The following ADAM23 variants were observed in gnomAD, a reference collection of about 807,000 sequenced individuals.
ADAM23 encodes disintegrin and metalloproteinase domain-containing protein 23.
In ADAM23, 33 loss-of-function variants were observed where a neutral mutation model predicts 120.1. That is an observed-to-expected ratio of 0.27 (90% CI 0.21 to 0.37). The LOEUF is 0.37. ADAM23 is among the 10% of genes least tolerant of loss of function. The probability of loss-of-function intolerance (pLI) is 1.00; values close to 1 mark genes in which losing one functional copy is unlikely to be tolerated. For synonymous variants in ADAM23, 367 were observed against 375.2 expected, an observed-to-expected ratio of 0.98 and a Z score of 0.25; for missense variants, 862 against 1,058.2, an observed-to-expected ratio of 0.81 and a Z score of 2.57.
intron 7 of ADAM23, among the ~76,000 whole-genome samples, chr2:206,548,079 T>C (rs1273412354): frequency 6.6e-6 from 1 of 152,220 alleles, no homozygotes; most frequent in Non-Finnish European, 1.5e-5. Context: ...TTGAACATTA[T>C]GTTTTCTTGA....
chr2:206,496,346 C>T (rs537162016), intron 3 of ADAM23, among the ~76,000 whole-genome samples: 5 of 152,264 alleles, frequency 3.3e-5, no homozygotes, highest in Admixed American at 1.3e-4. Flanking sequence ...GATTAAGAAA[C>T]TCACTCAAAA....
intron 3 of ADAM23, among the ~76,000 whole-genome samples, chr2:206,488,753 A>G (rs1696065982): frequency 1.3e-5 from 2 of 152,172 alleles, no homozygotes; most frequent in Non-Finnish European, 2.9e-5. Flanking sequence ...AGTGAATGCC[A>G]AGGGCATAGT....
At chr2:206,493,955 A>G (rs1011826778) in intron 3 of ADAM23, among the ~76,000 whole-genome samples, 6 of 152,178 alleles carry the variant, frequency 3.9e-5, no homozygotes, top group African/African-American at 7.2e-5. Context: ...TTTTTCTTGA[A>G]TGTCCCCCTC....
chr2:206,445,180 A>G (rs770458143), intron 1 of ADAM23, 127 bp from the exon 2 acceptor site: 38 of 700,298 alleles, frequency 5.4e-5, no homozygotes, highest in Non-Finnish European at 8.5e-5. Flanking sequence ...ACTGCTTATA[A>G]ATAGAAAACT....
At chr2:206,598,312 T>C (rs1383049899) in intron 24 of ADAM23, among the ~76,000 whole-genome samples, 1 of 152,132 alleles carries the variant, frequency 6.6e-6, no homozygotes, top group Non-Finnish European at 1.5e-5. Flanking sequence ...CTTTTTTTCT[T>C]TAAGTAGAGT....
At chr2:206,510,810 A>G (rs142771846) in intron 3 of ADAM23, among the ~76,000 whole-genome samples, 80 of 152,216 alleles carry the variant, frequency 5.3e-4, no homozygotes, top group Non-Finnish European at 8.8e-4. Context: ...CCTTTTAGAG[A>G]GCTCGCTTTT....
At chr2:206,516,804 G>C (rs1696742111) in intron 3 of ADAM23, among the ~76,000 whole-genome samples, 2 of 152,102 alleles carry the variant, frequency 1.3e-5, no homozygotes, top group South Asian at 4.1e-4. Flanking sequence ...AAAAAGAAAA[G>C]TTCACGTACA....
At chr2:206,532,247 C>T (rs990593125) in intron 4 of ADAM23, among the ~76,000 whole-genome samples, 1 of 151,798 alleles carries the variant, frequency 6.6e-6, no homozygotes, top group African/African-American at 2.4e-5. Context: ...TTGCAGGGAA[C>T]TTTATAGACT....
chr2:206,540,750 G>A (rs996587812), intron 4 of ADAM23, among the ~76,000 whole-genome samples: 1 of 151,928 alleles, frequency 6.6e-6, no homozygotes, highest in Non-Finnish European at 1.5e-5. Context: ...AAGAAAAATT[G>A]GTTGAAAGTA....
At chr2:206,483,520 A>G (rs1364079276) in intron 3 of ADAM23, among the ~76,000 whole-genome samples, 13 of 152,104 alleles carry the variant, frequency 8.5e-5, no homozygotes, top group Admixed American at 2.6e-4. Flanking sequence ...AGGTAGAGTA[A>G]GGAGACAGAA....
In ADAM23 at chr2:206,544,768, G is replaced by A. The variant is rs529004665; in HGVS notation, c.720+1452G>A. ...GCTGGGACTACAGGTGCCCGCCACC[G>A]CACCCAGCTAATTTTTTGTATTTTT... On this transcript the variant is annotated intron_variant, in intron 6 of 25. Transcript: ENST00000264377. Among the ~76,000 whole-genome samples the A allele has an allele frequency of 5.5e-3, 834 of 151,848 alleles. 8 individuals carry two copies. Among genetic ancestry groups the A allele is most frequent in the African/African-American group, 0.019 (799 of 41,408 alleles).
At chr2:206,493,604 C>T (rs965302504) in intron 3 of ADAM23, among the ~76,000 whole-genome samples, 10 of 152,222 alleles carry the variant, frequency 6.6e-5, no homozygotes, top group Non-Finnish European at 4.4e-5. Context: ...AACTCCCGAC[C>T]TCAGGTGATC....
intron 6 of ADAM23, among the ~76,000 whole-genome samples, chr2:206,545,413 G>GAGGC (rs1697376571): frequency 6.6e-6 from 1 of 152,138 alleles, no homozygotes; most frequent in African/African-American, 2.4e-5. Context: ...TTGAACCTGG[G>GAGGC]AGGCAGAGGT....
chr2:206,606,470 T>C (rs1236695627), intron 24 of ADAM23: 1 of 152,244 alleles, frequency 6.6e-6, no homozygotes, highest in Non-Finnish European at 1.5e-5. Context: ...AATTGAAGTC[T>C]ACATAAATAT....
At chr2:206,559,029 C>T (rs952482455) in intron 10 of ADAM23, among the ~76,000 whole-genome samples, 4 of 152,136 alleles carry the variant, frequency 2.6e-5, no homozygotes, top group Non-Finnish European at 5.9e-5. Flanking sequence ...ACTGCAAGCT[C>T]CGCCTCCCAG....
intron 18 of ADAM23, among the ~76,000 whole-genome samples, chr2:206,577,658 A>G (rs1265761015): frequency 4.4e-4 from 63 of 141,996 alleles, no homozygotes; most frequent in Middle Eastern, 3.6e-3. Context: ...AATCCAGTCT[A>G]TCATTGTTGG....
At position 206,443,801 on chromosome 2, in the gene ADAM23, G is replaced by C. The variant is rs1296681944; in HGVS notation, c.-66G>C. The C allele has an allele frequency of 1.1e-6, 1 of 943,074 alleles. No homozygotes were observed. The highest frequency in any genetic ancestry group is 1.3e-6 in the Non-Finnish European group (1 of 784,710). 58.4% of individuals were successfully genotyped at this position (943,074 alleles called of 1,614,324 possible). A position where few individuals can be genotyped will look rare whatever the true frequency, so the allele number is the denominator to read the frequency against. The stretch of plus-strand genomic sequence containing the variant: ...AGCCGGCGTGACCGGCTCCGCCCGC[G>C]GCCGCCCCGCAGCTAGCCCGGCGCT... On this transcript the variant is annotated 5_prime_UTR_variant, in exon 1 of 26. Transcript: ENST00000264377.
intron 18 of ADAM23, among the ~76,000 whole-genome samples, chr2:206,582,149 A>T (rs1346527919): frequency 6.6e-6 from 1 of 152,202 alleles, no homozygotes; most frequent in Non-Finnish European, 1.5e-5. Context: ...AAGTGCTGGG[A>T]TTACAGGCGT....
At chr2:206,581,741 G>A (rs1021136580) in intron 18 of ADAM23, among the ~76,000 whole-genome samples, 4 of 152,280 alleles carry the variant, frequency 2.6e-5, no homozygotes, top group Middle Eastern at 3.4e-3. Flanking sequence ...AAGTCCATTT[G>A]TTCCAAGGTA....
Sources: allele counts gnomAD v4.1 joint callset (sites outside exome capture counted in the v4.1 genomes callset), GRCh38; gene constraint gnomAD v4.1.1; transcripts MANE v1.5; gene names NCBI Gene and HGNC (gene_info 2026-07-23, HGNC 2026-07-21).